Variants in PPP3CB observed in about 807,000 individuals in gnomAD.
PPP3CB encodes the protein protein phosphatase 3 catalytic subunit beta.
PPP3CB carries 8 observed loss-of-function variants against 66.4 expected under a neutral mutation model. That is an observed-to-expected ratio of 0.12 (90% confidence interval 0.07 to 0.22). The LOEUF is 0.22. Ranked by LOEUF, PPP3CB falls within the 10% of genes least tolerant of loss-of-function variation. The probability of loss-of-function intolerance (pLI) is 1.00; values close to 1 mark genes in which losing one functional copy is unlikely to be tolerated. For missense variants in PPP3CB, 319 were observed against 642.5 expected, an observed-to-expected ratio of 0.50 and a Z score of 5.44; for synonymous variants, 208 against 221.2, an observed-to-expected ratio of 0.94 and a Z score of 0.53.
At chr10:73,471,651 G>C in intron 4 of PPP3CB, 38 bp from the exon 5 acceptor site, 1 of 1,489,448 alleles carries the variant, frequency 6.7e-7, no homozygotes, top group Non-Finnish European at 9.1e-7. Context: ...TTACATTACT[G>C]GTGGTGGTGT....
chr10:73,490,091 C>A (rs2057048147), intron 1 of PPP3CB, among the ~76,000 whole-genome samples: 1 of 152,174 alleles, frequency 6.6e-6, no homozygotes, highest in South Asian at 2.1e-4. Context: ...ACTTCTGTAT[C>A]ATCAATGCCT....
chr10:73,476,287 TGTTA>T (rs1204073895), intron 3 of PPP3CB, among the ~76,000 whole-genome samples: 1 of 152,232 alleles, frequency 6.6e-6, no homozygotes, highest in African/African-American at 2.4e-5. Context: ...TTTGATTCTT[TGTTA>T]TTTTCCTTTT....
chr10:73,479,961 A>C (rs2056847749), intron 1 of PPP3CB, among the ~76,000 whole-genome samples: 1 of 152,286 alleles, frequency 6.6e-6, no homozygotes, highest in African/African-American at 2.4e-5. Context: ...CAGAAATTGG[A>C]GACCAGCCTG....
chr10:73,473,025 T>C (rs2132939007), intron 4 of PPP3CB, among the ~76,000 whole-genome samples: 1 of 150,260 alleles, frequency 6.7e-6, no homozygotes, highest in South Asian at 2.1e-4. Flanking sequence ...AAAAACTATA[T>C]ATATATCCAG....
At position 73,495,840 on chromosome 10, in the gene PPP3CB, G is replaced by C. The variant is rs1403054215; in HGVS notation, c.50C>G (p.Pro17Arg). The C allele has an allele frequency of 6.7e-7, 1 of 1,481,576 alleles. No homozygotes were observed. The highest frequency in any genetic ancestry group is 2.3e-5 in the Admixed American group (1 of 43,846). The allele number at this position is 1,481,576 out of a possible 1,614,324, so 91.8% of individuals were successfully genotyped here. Residue 17 changes from proline (P) to arginine (R), a missense_variant, in exon 1 of 14, where the codon CCG (proline) becomes CGG (arginine). By Grantham distance (103) the Pro-to-Arg change is moderately radical. Transcript: ENST00000360663. ...ARAAPPPPPP[P>R]PPPPGADRVV... ...GCGGTCAGCCCCGGGAGGGGGCGGC[G>C]GGGGCGGGGGTGGGGGCGGTGCAGC...
At chr10:73,484,419 T>C (rs555272739) in intron 1 of PPP3CB, among the ~76,000 whole-genome samples, 160 of 151,928 alleles carry the variant, frequency 1.1e-3, no homozygotes, top group African/African-American at 3.7e-3. Flanking sequence ...TACAGGCACC[T>C]GCCACCACGC....
intron 9 of PPP3CB, among the ~76,000 whole-genome samples, chr10:73,464,411 A>T (rs1374146484): frequency 6.6e-6 from 1 of 152,184 alleles, no homozygotes; most frequent in East Asian, 1.9e-4. Context: ...AAAAAAATCT[A>T]GTCAATAAAT....
chr10:73,438,269 G>A lies in PPP3CB; in HGVS notation c.1548C>T (p.His516=), dbSNP rs147391900. ...SLNTAHATEN[H]GTGNHTAQ ...ACTGGGCAGTATGGTTGCCCGTCCC[G>A]TGGTTCTCAGTGGCATGTGCGGTGT... Residue 516 remains histidine (H), a synonymous_variant, in exon 14 of 14, where the codon CAC becomes CAT. Coordinates refer to ENST00000360663, the MANE Select transcript of PPP3CB (RefSeq NM_021132.4). 5.1e-5 allele frequency: 82 copies of A among 1,614,038 alleles called. No homozygotes were observed. In the African/African-American group the frequency reaches 8.9e-4, roughly 18 times the overall value.
chr10:73,484,249 T>C (rs913540020), intron 1 of PPP3CB, among the ~76,000 whole-genome samples: 1 of 152,210 alleles, frequency 6.6e-6, no homozygotes, highest in Non-Finnish European at 1.5e-5. Flanking sequence ...TTTTTATTTC[T>C]AATTCATCTT....
At chr10:73,461,929 C>T (rs369649053) in intron 9 of PPP3CB, among the ~76,000 whole-genome samples, 4 of 152,156 alleles carry the variant, frequency 2.6e-5, no homozygotes, top group East Asian at 1.9e-4. Flanking sequence ...GCTGTCCTCA[C>T]GATAGTGAGT....
intron 11 of PPP3CB, among the ~76,000 whole-genome samples, chr10:73,445,749 C>CTTT (rs1208013891): frequency 7.7e-6 from 1 of 129,610 alleles, no homozygotes. Context: ...CCTAAGTACC[C>CTTT]TTTTTTTTTT....
chr10:73,438,438 T>A lies in PPP3CB; in HGVS notation c.1397-18A>T. On this transcript the variant is annotated intron_variant, in intron 13 of 13. Coordinates refer to ENST00000360663, the MANE Select transcript of PPP3CB (RefSeq NM_021132.4). The stretch of plus-strand genomic sequence containing the variant: ...TCGTATTGCTTAATAAAATGCAAAT[T>A]TGATAAGTCAGTAATTGAAAAACAT... The A allele has an allele frequency of 6.3e-7, 1 of 1,576,280 alleles. No individual in the cohort carries two copies. The highest frequency in any genetic ancestry group is 8.7e-7 in the Non-Finnish European group (1 of 1,151,392).
chr10:73,495,028 C>T (rs1259903297), intron 1 of PPP3CB, among the ~76,000 whole-genome samples: 1 of 152,138 alleles, frequency 6.6e-6, no homozygotes, highest in East Asian at 1.9e-4. Flanking sequence ...ATAAATTCTG[C>T]CCTGGCTGAG....
At chr10:73,442,785 G>A (rs2132760407) in intron 12 of PPP3CB, among the ~76,000 whole-genome samples, 1 of 151,388 alleles carries the variant, frequency 6.6e-6, no homozygotes, top group South Asian at 2.1e-4. Context: ...TCAAAACACA[G>A]TGTACTTTTC....
chr10:73,475,115 C>A, intron 3 of PPP3CB, 85 bp from the exon 4 acceptor site: 1 of 1,448,084 alleles, frequency 6.9e-7, no homozygotes, highest in Non-Finnish European at 9.1e-7. Context: ...TCCTCTACTA[C>A]CCTTACCATC....
chr10:73,468,854 C>T (rs2056660582), intron 8 of PPP3CB, among the ~76,000 whole-genome samples: 1 of 152,068 alleles, frequency 6.6e-6, no homozygotes, highest in Non-Finnish European at 1.5e-5. Flanking sequence ...AAATTAGTCT[C>T]AAAAATTATG....
chr10:73,482,761 G>T (rs2056902412), intron 1 of PPP3CB, among the ~76,000 whole-genome samples: 1 of 151,636 alleles, frequency 6.6e-6, no homozygotes, highest in African/African-American at 2.4e-5. Context: ...CGGATTACAG[G>T]CACCCGCCAC....
intron 10 of PPP3CB, chr10:73,448,805 A>AAAGG (rs150977322): frequency 0.02 from 10,086 of 506,354 alleles, 621 homozygotes; most frequent in African/African-American, 0.15. Flanking sequence ...ATGTAGAAAG[A>AAAGG]GAGAAAAATG....
chr10:73,480,483 C>A (rs980155187), intron 1 of PPP3CB, among the ~76,000 whole-genome samples: 1 of 130,954 alleles, frequency 7.6e-6, no homozygotes, highest in African/African-American at 2.9e-5. Flanking sequence ...CTTGTTCTGT[C>A]GCCCAGGCTG....
Sources: gnomAD v4.1 joint callset for allele counts (sites outside exome capture counted in the v4.1 genomes callset) on GRCh38, gnomAD v4.1.1 for gene constraint, MANE v1.5 for transcripts, NCBI Gene and HGNC (gene_info 2026-07-23, HGNC 2026-07-21) for gene names.